The following RPH3A variants were observed in gnomAD, a reference collection of about 807,000 sequenced individuals.
The protein encoded by RPH3A is rabphilin 3A.
RPH3A carries 48 observed loss-of-function variants against 102.2 expected under a neutral mutation model. The observed-to-expected ratio is 0.47, with a 90% CI of 0.37 to 0.60. RPH3A has a LOEUF of 0.60. RPH3A is among the 20% of genes least tolerant of loss of function. RPH3A has a pLI of 0.00. For missense variants in RPH3A, 781 were observed against 910.1 expected (o/e 0.86, Z 1.83); for synonymous variants, 310 against 324.3 (o/e 0.96, Z 0.47).
At chr12:112,728,518 C>T (rs2040611709) in intron 1 of RPH3A, among the ~76,000 whole-genome samples, 1 of 151,902 alleles carries the variant, frequency 6.6e-6, no homozygotes, top group Non-Finnish European at 1.5e-5. Flanking sequence ...AATAGGAAAC[C>T]AAAATGTTCT....
chr12:112,894,127 C>A, intron 19 of RPH3A: 1 of 184,250 alleles, frequency 5.4e-6, no homozygotes, highest in Non-Finnish European at 1.1e-5. Context: ...CCTTTCTGTG[C>A]ATACACCCAG....
intron 1 of RPH3A, among the ~76,000 whole-genome samples, chr12:112,596,471 A>T (rs931416625): frequency 1.1e-4 from 17 of 152,352 alleles, no homozygotes; most frequent in African/African-American, 3.6e-4. Context: ...TATTCAAACA[A>T]CCATTATTTT....
At chr12:112,640,316 A>T (rs2039878921) in intron 1 of RPH3A, among the ~76,000 whole-genome samples, 1 of 122,148 alleles carries the variant, frequency 8.2e-6, no homozygotes, top group African/African-American at 3.3e-5. Context: ...CAAGAGCAAA[A>T]CTCCATCTCA....
At chr12:112,636,845 C>T (rs1319415453) in intron 1 of RPH3A, among the ~76,000 whole-genome samples, 1 of 152,116 alleles carries the variant, frequency 6.6e-6, no homozygotes, top group Non-Finnish European at 1.5e-5. Context: ...CCCCAAAATA[C>T]CCACTAGCTC....
At chr12:112,592,538 C>T (rs1340565300) in intron 1 of RPH3A, among the ~76,000 whole-genome samples, 2 of 152,246 alleles carry the variant, frequency 1.3e-5, no homozygotes, top group African/African-American at 4.8e-5. Flanking sequence ...AGGCTGTTCT[C>T]GAACTCCTGA....
At chr12:112,644,958 G>C (rs909815803) in intron 1 of RPH3A, among the ~76,000 whole-genome samples, 7 of 152,188 alleles carry the variant, frequency 4.6e-5, no homozygotes, top group Non-Finnish European at 8.8e-5. Context: ...CACATCATTT[G>C]AGTGCCTGGA....
At chr12:112,674,457 G>A (rs2040158407) in intron 1 of RPH3A, among the ~76,000 whole-genome samples, 1 of 152,144 alleles carries the variant, frequency 6.6e-6, no homozygotes, top group Non-Finnish European at 1.5e-5. Flanking sequence ...TTGCTGCAGT[G>A]GGCATCACAT....
intron 1 of RPH3A, among the ~76,000 whole-genome samples, chr12:112,678,354 A>AAAGG (rs1216789743): frequency 6.9e-6 from 1 of 145,078 alleles, no homozygotes; most frequent in South Asian, 2.2e-4. Flanking sequence ...GGAAGGAAGG[A>AAAGG]AAGGAAGGAA....
intron 10 of RPH3A, among the ~76,000 whole-genome samples, chr12:112,874,382 A>G (rs770993293): frequency 6.6e-6 from 1 of 152,196 alleles, no homozygotes; most frequent in Non-Finnish European, 1.5e-5. Context: ...CAGTTTCCCC[A>G]TCTATAAAAT....
At chr12:112,727,424 TAC>T (rs1244262248) in intron 1 of RPH3A, among the ~76,000 whole-genome samples, 5 of 123,024 alleles carry the variant, frequency 4.1e-5, no homozygotes, top group Admixed American at 3.7e-4. Context: ...TATATATACA[TAC>T]ACACACACAC....
intron 1 of RPH3A, among the ~76,000 whole-genome samples, chr12:112,655,483 C>T: frequency 6.6e-6 from 1 of 151,462 alleles, no homozygotes; most frequent in Non-Finnish European, 1.5e-5. Flanking sequence ...CTGAGAGGGA[C>T]CTTGTGTGTC....
At chr12:112,673,404 C>G (rs188320533) in intron 1 of RPH3A, among the ~76,000 whole-genome samples, 1 of 152,078 alleles carries the variant, frequency 6.6e-6, no homozygotes, top group Admixed American at 6.5e-5. Context: ...GAACATGGTT[C>G]ACTGTAACCT....
At chr12:112,605,962 A>G (rs1241171110) in intron 1 of RPH3A, among the ~76,000 whole-genome samples, 1 of 152,232 alleles carries the variant, frequency 6.6e-6, no homozygotes, top group Non-Finnish European at 1.5e-5. Flanking sequence ...CTCCAAGGTC[A>G]TTCATATGGA....
At chr12:112,608,127 T>C (rs1395930083) in intron 1 of RPH3A, among the ~76,000 whole-genome samples, 3 of 151,842 alleles carry the variant, frequency 2.0e-5, no homozygotes, top group Non-Finnish European at 4.4e-5. Context: ...TTCTTTTTTT[T>C]TTTTTTGACG....
At chr12:112,584,416 T>C (rs2039423393) in intron 1 of RPH3A, among the ~76,000 whole-genome samples, 1 of 152,122 alleles carries the variant, frequency 6.6e-6, no homozygotes, top group East Asian at 1.9e-4. Flanking sequence ...TTTTCAGATA[T>C]TTGAGCCTGA....
intron 1 of RPH3A, among the ~76,000 whole-genome samples, chr12:112,666,403 C>G (rs1300443667): frequency 6.6e-6 from 1 of 152,002 alleles, no homozygotes; most frequent in Non-Finnish European, 1.5e-5. Context: ...CATCAATTCT[C>G]CTTGCTTTGG....
chr12:112,646,338 A>G (rs2039930206), intron 1 of RPH3A, among the ~76,000 whole-genome samples: 1 of 152,192 alleles, frequency 6.6e-6, no homozygotes, highest in African/African-American at 2.4e-5. Flanking sequence ...AGGTGATAAG[A>G]TGGCTCTCTC....
chr12:112,682,223 T>C (rs2040230914), intron 1 of RPH3A, among the ~76,000 whole-genome samples: 2 of 152,294 alleles, frequency 1.3e-5, no homozygotes, highest in Admixed American at 1.3e-4. Flanking sequence ...ATATGCTGTC[T>C]GTGACATGGA....
chr12:112,881,027 C>T (rs760250312), intron 14 of RPH3A, among the ~76,000 whole-genome samples: 3 of 152,146 alleles, frequency 2.0e-5, no homozygotes, highest in South Asian at 2.1e-4. Context: ...AGAAAATCCT[C>T]ATATAAGTGG....
Sources: gnomAD v4.1 joint callset for allele counts (sites outside exome capture counted in the v4.1 genomes callset) on GRCh38, gnomAD v4.1.1 for gene constraint, MANE v1.5 for transcripts, NCBI Gene and HGNC (gene_info 2026-07-23, HGNC 2026-07-21) for gene names.